OPCML: variants seen among roughly 807,000 people sequenced by gnomAD.
The protein encoded by OPCML is opioid binding protein/cell adhesion molecule like.
A neutral mutation model predicts 37.8 loss-of-function variants in OPCML; 13 were observed. The observed-to-expected ratio is 0.34, with a 90% CI of 0.22 to 0.55. OPCML has a LOEUF of 0.55. Among genes scored for constraint, OPCML ranks in the 20% least tolerant of loss-of-function variants. The pLI, the probability that OPCML is intolerant of heterozygous loss-of-function variation, is 0.91. For synonymous variants in OPCML, 176 were observed against 168.8 expected (o/e 1.04, Z -0.33); for missense variants, 341 against 435.6 (o/e 0.78, Z 1.93).
intron 7 of OPCML, among the ~76,000 whole-genome samples, chr11:132,427,235 C>G (rs2095980598): frequency 6.6e-6 from 1 of 152,110 alleles, no homozygotes; most frequent in African/African-American, 2.4e-5. Flanking sequence ...TAAGAAGATA[C>G]GGTTTTGTTC....
At chr11:132,598,211 T>G (rs1447253212) in intron 3 of OPCML, among the ~76,000 whole-genome samples, 1 of 152,210 alleles carries the variant, frequency 6.6e-6, no homozygotes, top group African/African-American at 2.4e-5. Context: ...CATCCCCGTA[T>G]TAGCAATTGC....
At chr11:133,158,681 A>G (rs1481492321) in intron 1 of OPCML, among the ~76,000 whole-genome samples, 3 of 150,094 alleles carry the variant, frequency 2.0e-5, no homozygotes, top group African/African-American at 7.4e-5. Context: ...GCCTGGTGAC[A>G]GAGTGAGACT....
At chr11:133,024,983 A>G in intron 1 of OPCML, 1 of 985,406 alleles carries the variant, frequency 1.0e-6, no homozygotes, top group Non-Finnish European at 1.2e-6. Flanking sequence ...ATTTTAACAC[A>G]CTGCCCTGAT....
intron 3 of OPCML, among the ~76,000 whole-genome samples, chr11:132,653,230 T>A (rs143191647): frequency 6.6e-6 from 1 of 152,194 alleles, no homozygotes; most frequent in Non-Finnish European, 1.5e-5. Context: ...CTGGGTGATA[T>A]CATTTTAATT....
At chr11:133,006,802 T>C (rs1371587727) in intron 1 of OPCML, 1 of 985,302 alleles carries the variant, frequency 1.0e-6, no homozygotes, top group Non-Finnish European at 1.2e-6. Context: ...TGCCTTCCAC[T>C]CTAGCAGGAG....
chr11:133,406,320 T>A (rs1350590581), intron 1 of OPCML, among the ~76,000 whole-genome samples: 1 of 152,134 alleles, frequency 6.6e-6, no homozygotes, highest in Non-Finnish European at 1.5e-5. Context: ...AGGGTAATTA[T>A]CTTCCATCCT....
At position 132,694,179 on chromosome 11, in the gene OPCML, C is replaced by CTTTTTTTTT. The variant is rs1162305568; in HGVS notation, c.147-36869_147-36861dup. Among the ~76,000 whole-genome samples, 19 of 43,016 alleles carry CTTTTTTTTT rather than the reference C, an allele frequency of 4.4e-4. 3 individuals carry two copies. The highest frequency in any genetic ancestry group is 1.5e-3 in the African/African-American group (17 of 11,034). The allele number at this position is 43,016 out of a possible 152,430, so 28.2% of individuals were successfully genotyped here. Reference sequence around the variant, plus strand: ...GAGTTTCGTTCTGTGAAATCAATGTCTTTTTTTTTTTTTTTTTTTTTTTTT... The same window carrying CTTTTTTTTT: ...GAGTTTCGTTCTGTGAAATCAATGTCTTTTTTTTTTTTTTTTTTTTTTTTTTTTTTTTTT... On this transcript the variant is annotated intron_variant, in intron 2 of 7. Transcript: ENST00000524381.
chr11:132,468,000 C>A (rs1330578188), intron 4 of OPCML, among the ~76,000 whole-genome samples: 2 of 152,168 alleles, frequency 1.3e-5, no homozygotes, highest in Non-Finnish European at 2.9e-5. Flanking sequence ...TCCACGCTGA[C>A]AAACCTACAG....
chr11:133,058,357 G>A (rs2136981922), intron 1 of OPCML, among the ~76,000 whole-genome samples: 1 of 152,216 alleles, frequency 6.6e-6, no homozygotes, highest in Non-Finnish European at 1.5e-5. Flanking sequence ...AACAGCATCA[G>A]AGATGCAGGA....
chr11:132,921,030 A>C (rs1591804245), intron 2 of OPCML, among the ~76,000 whole-genome samples: 1 of 151,182 alleles, frequency 6.6e-6, no homozygotes, highest in African/African-American at 2.4e-5. Flanking sequence ...GCAGTCTTCT[A>C]CTCCCCGCCA....
chr11:133,364,147 G>A (rs1841015573), intron 1 of OPCML, among the ~76,000 whole-genome samples: 1 of 152,132 alleles, frequency 6.6e-6, no homozygotes, highest in African/African-American at 2.4e-5. Flanking sequence ...ACCTCTGTTT[G>A]TAAACAGCAG....
chr11:132,903,794 C>T (rs749599797), intron 2 of OPCML, among the ~76,000 whole-genome samples: 3 of 152,172 alleles, frequency 2.0e-5, no homozygotes, highest in Admixed American at 6.5e-5. Context: ...TAACCTTTCC[C>T]CTCACTGCTA....
At chr11:133,195,542 A>G (rs1377860944) in intron 1 of OPCML, among the ~76,000 whole-genome samples, 1 of 152,250 alleles carries the variant, frequency 6.6e-6, no homozygotes, top group East Asian at 1.9e-4. Flanking sequence ...TGCCATGGAC[A>G]AAATTAATGA....
intron 2 of OPCML, among the ~76,000 whole-genome samples, chr11:132,926,100 C>T (rs1565970351): frequency 6.6e-6 from 1 of 152,288 alleles, no homozygotes; most frequent in East Asian, 1.9e-4. Context: ...GGTTCCTGAC[C>T]ACCATGGCAA....
intron 1 of OPCML, among the ~76,000 whole-genome samples, chr11:133,052,559 T>C (rs1175272106): frequency 4.6e-5 from 7 of 152,200 alleles, no homozygotes; most frequent in Non-Finnish European, 1.0e-4. Context: ...GTCCCTTATT[T>C]TGTCCATGGC....
intron 4 of OPCML, among the ~76,000 whole-genome samples, chr11:132,478,582 C>T (rs2096165773): frequency 6.6e-6 from 1 of 152,092 alleles, no homozygotes. Flanking sequence ...AAATAGAAAA[C>T]AAAAATACAG....
At chr11:133,381,241 A>G (rs1944922004) in intron 1 of OPCML, among the ~76,000 whole-genome samples, 1 of 152,264 alleles carries the variant, frequency 6.6e-6, no homozygotes, top group Non-Finnish European at 1.5e-5. Flanking sequence ...GCCTCACCTC[A>G]GTAAGTGGCA....
At chr11:132,895,645 G>C (rs1943810299) in intron 2 of OPCML, among the ~76,000 whole-genome samples, 1 of 152,186 alleles carries the variant, frequency 6.6e-6, no homozygotes, top group Admixed American at 6.5e-5. Context: ...ATGAAATTCT[G>C]ATGAGTGTTA....
chr11:132,905,225 CTTTTTT>C (rs373679886), intron 2 of OPCML, among the ~76,000 whole-genome samples: 4 of 88,394 alleles, frequency 4.5e-5, no homozygotes, highest in African/African-American at 1.4e-4. Flanking sequence ...GAAAGCAGTT[CTTTTTT>C]TTTTTTTTTT....
Sources: gnomAD v4.1 joint callset for allele counts (sites outside exome capture counted in the v4.1 genomes callset) on GRCh38, gnomAD v4.1.1 for gene constraint, MANE v1.5 for transcripts, NCBI Gene and HGNC (gene_info 2026-07-23, HGNC 2026-07-21) for gene names.